KLF12: variants seen among roughly 807,000 people sequenced by gnomAD.
The protein encoded by KLF12 is KLF transcription factor 12.
KLF12 carries 9 observed loss-of-function variants against 37.8 expected under a neutral mutation model. The observed-to-expected ratio is 0.24, with a 90% CI of 0.14 to 0.42. The LOEUF is 0.42. Ranked by LOEUF, KLF12 falls within the 10% of genes least tolerant of loss-of-function variation. The probability of loss-of-function intolerance (pLI) is 1.00; values close to 1 mark genes in which losing one functional copy is unlikely to be tolerated. For synonymous variants in KLF12, 208 were observed against 202.1 expected (o/e 1.03, Z -0.25); for missense variants, 411 against 516.0 (o/e 0.80, Z 1.97).
chr13:74,216,691 G>A, the KLF12 span, among the ~76,000 whole-genome samples: 109 of 152,300 alleles, frequency 7.2e-4, no homozygotes, highest in Admixed American at 1.7e-3. Context: ...GCAAAAAGGA[G>A]TGCAATTAAT....
intron 1 of KLF12, among the ~76,000 whole-genome samples, chr13:74,030,581 C>A (rs1345217667): frequency 6.6e-6 from 1 of 152,082 alleles, no homozygotes; most frequent in African/African-American, 2.4e-5. Flanking sequence ...CCCACGCTCT[C>A]TCTCATTTTG....
chr13:73,950,520 G>C (rs1416139247), intron 2 of KLF12, among the ~76,000 whole-genome samples: 1 of 152,182 alleles, frequency 6.6e-6, no homozygotes, highest in Non-Finnish European at 1.5e-5. Flanking sequence ...ACACTTGGGG[G>C]TTGTGAGTTG....
At chr13:74,130,275 C>T (rs1438982692) in intron 1 of KLF12, among the ~76,000 whole-genome samples, 1 of 152,224 alleles carries the variant, frequency 6.6e-6, no homozygotes, top group Non-Finnish European at 1.5e-5. Flanking sequence ...AAAATAAACA[C>T]TGGGCAAAAA....
At chr13:74,206,157 T>C in the KLF12 span, among the ~76,000 whole-genome samples, 4 of 152,296 alleles carry the variant, frequency 2.6e-5, no homozygotes, top group South Asian at 8.3e-4. Flanking sequence ...CAAGAAAGAA[T>C]GACTCATCTG....
At chr13:73,737,702 T>C (rs373660552) in intron 6 of KLF12, among the ~76,000 whole-genome samples, 4 of 152,260 alleles carry the variant, frequency 2.6e-5, no homozygotes, top group African/African-American at 7.2e-5. Context: ...TCTAATCCCA[T>C]GCATGAATAT....
intron 3 of KLF12, among the ~76,000 whole-genome samples, chr13:73,913,928 T>A (rs1888693070): frequency 6.6e-6 from 1 of 152,030 alleles, no homozygotes; most frequent in Admixed American, 6.5e-5. Flanking sequence ...AAAAGAAAAG[T>A]TTTTTTTAAA....
At chr13:73,872,239 C>T (rs1886506913) in intron 3 of KLF12, among the ~76,000 whole-genome samples, 1 of 152,170 alleles carries the variant, frequency 6.6e-6, no homozygotes, top group Admixed American at 6.6e-5. Flanking sequence ...AATCTACACA[C>T]CTACATGTCA....
intron 2 of KLF12, among the ~76,000 whole-genome samples, chr13:73,981,778 A>C (rs1891694652): frequency 6.6e-6 from 1 of 152,132 alleles, no homozygotes; most frequent in Non-Finnish European, 1.5e-5. Flanking sequence ...GCCAAGAGAA[A>C]ATGCAGCTAA....
the KLF12 span, among the ~76,000 whole-genome samples, chr13:74,242,277 T>A: frequency 6.6e-6 from 1 of 152,172 alleles, no homozygotes. Context: ...TAAAGACATA[T>A]CTGTGACCTA....
the KLF12 span, among the ~76,000 whole-genome samples, chr13:74,277,115 A>G: frequency 6.6e-6 from 1 of 152,102 alleles, no homozygotes; most frequent in African/African-American, 2.4e-5. Context: ...ATTCAATCTC[A>G]TTCTGGTTCT....
chr13:74,259,407 G>A, the KLF12 span: 1 of 152,112 alleles, frequency 6.6e-6, no homozygotes, highest in Non-Finnish European at 1.5e-5. Context: ...TCTCTTCCAT[G>A]GTCAAGCCAA....
At chr13:74,082,963 A>G (rs1203363996) in intron 1 of KLF12, among the ~76,000 whole-genome samples, 1 of 152,232 alleles carries the variant, frequency 6.6e-6, no homozygotes, top group Non-Finnish European at 1.5e-5. Flanking sequence ...AAACAAGTAC[A>G]GGCAAAATAA....
chr13:74,049,175 C>A (rs1420345817), intron 1 of KLF12, among the ~76,000 whole-genome samples: 1 of 152,174 alleles, frequency 6.6e-6, no homozygotes, highest in Non-Finnish European at 1.5e-5. Context: ...CAAAGGGCCT[C>A]CACTGAGAGA....
chr13:73,929,909 A>T (rs1354554043), intron 3 of KLF12, among the ~76,000 whole-genome samples: 1 of 152,188 alleles, frequency 6.6e-6, no homozygotes, highest in East Asian at 1.9e-4. Flanking sequence ...AAAAATAAAG[A>T]TTCTATCTTG....
intron 5 of KLF12, among the ~76,000 whole-genome samples, chr13:73,768,120 C>T (rs1460251289): frequency 6.6e-6 from 1 of 152,176 alleles, no homozygotes; most frequent in Non-Finnish European, 1.5e-5. Context: ...GACTGAATCC[C>T]AGCTTCACCG....
chr13:74,216,508 G>GGCC, the KLF12 span, among the ~76,000 whole-genome samples: 1 of 152,160 alleles, frequency 6.6e-6, no homozygotes, highest in Non-Finnish European at 1.5e-5. Flanking sequence ...AGTGAGCCTT[G>GGCC]GCCGGTGTCC....
At chr13:74,240,291 T>A in the KLF12 span, among the ~76,000 whole-genome samples, 1 of 138,652 alleles carries the variant, frequency 7.2e-6, no homozygotes, top group East Asian at 2.0e-4. Context: ...TTCTGGCTTG[T>A]AGGGTTTCTG....
chr13:74,218,484 C>T, the KLF12 span, among the ~76,000 whole-genome samples: 38 of 152,238 alleles, frequency 2.5e-4, no homozygotes, highest in African/African-American at 7.2e-4. Context: ...TAACTGCCCC[C>T]GCTCCGCACC....
At chr13:73,842,701 G>C (rs1248961733) in intron 4 of KLF12, among the ~76,000 whole-genome samples, 2 of 152,088 alleles carry the variant, frequency 1.3e-5, no homozygotes, top group Admixed American at 1.3e-4. Flanking sequence ...TTTATTATTA[G>C]CATTTTGAAA....
Sources: gnomAD v4.1 joint callset for allele counts (sites outside exome capture counted in the v4.1 genomes callset) on GRCh38, gnomAD v4.1.1 for gene constraint, MANE v1.5 for transcripts, NCBI Gene and HGNC (gene_info 2026-07-23, HGNC 2026-07-21) for gene names.